Variants in RNF130 observed in about 807,000 individuals in gnomAD.
The protein encoded by RNF130 is ring finger protein 130, also known as E3 ubiquitin-protein ligase RNF130.
A neutral mutation model predicts 44.6 loss-of-function variants in RNF130; 21 were observed. That is an observed-to-expected ratio of 0.47 (90% CI 0.33 to 0.68). RNF130 has a LOEUF of 0.68. Ranked by LOEUF, RNF130 falls within the 30% of genes least tolerant of loss-of-function variation. RNF130 has a pLI of 0.02. For synonymous variants in RNF130, 214 were observed against 210.4 expected (o/e 1.02, Z -0.15); for missense variants, 479 against 560.6 (o/e 0.85, Z 1.47).
At chr5:180,005,303 C>T (rs1763439474) in intron 3 of RNF130, among the ~76,000 whole-genome samples, 1 of 152,146 alleles carries the variant, frequency 6.6e-6, no homozygotes, top group Admixed American at 6.5e-5. Flanking sequence ...TGGTGGGCAC[C>T]TGTAATTCCA....
intron 7 of RNF130, among the ~76,000 whole-genome samples, chr5:179,921,977 C>T (rs1761636972): frequency 1.3e-5 from 2 of 151,660 alleles, no homozygotes; most frequent in Non-Finnish European, 2.9e-5. Flanking sequence ...GCGGAGATTG[C>T]ACCACCGCAC....
At chr5:179,932,620 C>T (rs1290483353) in intron 7 of RNF130, among the ~76,000 whole-genome samples, 1 of 151,714 alleles carries the variant, frequency 6.6e-6, no homozygotes, top group East Asian at 2.0e-4. Flanking sequence ...GATGGATCAC[C>T]TGAGGTCAGG....
chr5:179,974,589 G>A (rs958023518), intron 5 of RNF130, among the ~76,000 whole-genome samples: 14 of 152,332 alleles, frequency 9.2e-5, no homozygotes, highest in South Asian at 6.2e-4. Context: ...CTTGTGAATC[G>A]TTAAGGAAAG....
intron 2 of RNF130, among the ~76,000 whole-genome samples, chr5:180,026,553 A>G (rs539774808): frequency 6.6e-6 from 1 of 152,350 alleles, no homozygotes; most frequent in Admixed American, 6.5e-5. Context: ...CGTCATGGAC[A>G]GGGCACTGGA....
intron 2 of RNF130, among the ~76,000 whole-genome samples, chr5:180,032,215 AT>A (rs777414950): frequency 6.6e-5 from 10 of 152,024 alleles, no homozygotes; most frequent in Non-Finnish European, 1.0e-4. Context: ...ATAAAATCTA[AT>A]TTTTTTTATA....
At position 179,966,896 on chromosome 5, in the gene RNF130, G is replaced by C. The variant is rs773564198; in HGVS notation, c.1060C>G (p.Leu354Val). 2.2e-4 allele frequency: 352 copies of C among 1,614,118 alleles called. No homozygotes were observed. The highest frequency in any genetic ancestry group is 2.7e-4 in the Non-Finnish European group (323 of 1,180,052). Residue 354 changes from leucine (L) to valine (V), a missense_variant, in exon 7 of 9, where the codon CTT (leucine) becomes GTT (valine). Around this residue, in one of 3 missense-constraint regions of RNF130, gnomAD observed 161 missense variants for 158.6 expected, o/e 1.02. Coordinates refer to ENST00000521389, the MANE Select transcript of RNF130 (RefSeq NM_018434.6). Reference sequence around the variant, plus strand: ...ATCCCCGAAGTTCGAAGTGGCTCAAGGCCAAGGGAGTTGTCGCCGGCGAGG... The same window carrying C: ...ATCCCCGAAGTTCGAAGTGGCTCAACGCCAAGGGAGTTGTCGCCGGCGAGG... ...GDLAGDNSLG[L>V]EPLRTSGISP...
chr5:179,966,152 C>T (rs776520547), intron 7 of RNF130, among the ~76,000 whole-genome samples: 5 of 152,266 alleles, frequency 3.3e-5, no homozygotes, highest in Admixed American at 6.5e-5. Flanking sequence ...CCTGAGGCAC[C>T]GCCATCAATA....
chr5:179,984,477 G>C (rs12153395), intron 3 of RNF130, among the ~76,000 whole-genome samples: 1 of 151,966 alleles, frequency 6.6e-6, no homozygotes, highest in African/African-American at 2.4e-5. Flanking sequence ...GTTGGACTTC[G>C]GCAAATATCT....
At chr5:180,041,699 C>A (rs1185462317) in intron 1 of RNF130, among the ~76,000 whole-genome samples, 1 of 152,170 alleles carries the variant, frequency 6.6e-6, no homozygotes, top group Non-Finnish European at 1.5e-5. Context: ...GTCAGCCCTG[C>A]CGGTCCTCTG....
intron 8 of RNF130, 76 bp from the exon 9 acceptor site, chr5:179,955,745 A>C (rs1762198504): frequency 8.1e-7 from 1 of 1,232,336 alleles, no homozygotes; most frequent in Admixed American, 2.2e-5. Flanking sequence ...AAGTGACCCT[A>C]ACTGAAGGGT....
At chr5:179,987,516 T>A (rs1443709473) in intron 3 of RNF130, among the ~76,000 whole-genome samples, 1 of 152,210 alleles carries the variant, frequency 6.6e-6, no homozygotes, top group East Asian at 1.9e-4. Context: ...CTTCCAGCAC[T>A]ATGTGGAACA....
intron 3 of RNF130, among the ~76,000 whole-genome samples, chr5:179,983,656 T>C (rs1026766823): frequency 1.3e-5 from 2 of 152,202 alleles, no homozygotes; most frequent in African/African-American, 4.8e-5. Flanking sequence ...TAGGATCAGT[T>C]TGTCCATCTC....
intron 3 of RNF130, among the ~76,000 whole-genome samples, chr5:179,997,047 A>G (rs996787344): frequency 2.0e-5 from 3 of 152,126 alleles, no homozygotes; most frequent in African/African-American, 4.8e-5. Flanking sequence ...CTATGTTGGT[A>G]TATGTGTCTG....
downstream of RNF130, among the ~76,000 whole-genome samples, chr5:179,952,962 A>G (rs1178102963): frequency 6.6e-6 from 1 of 152,194 alleles, no homozygotes; most frequent in African/African-American, 2.4e-5. Context: ...CACCATTTCT[A>G]TTCAACAATC....
chr5:179,920,796 T>TATATA (rs200144083), intron 7 of RNF130, among the ~76,000 whole-genome samples: 2 of 108,732 alleles, frequency 1.8e-5, no homozygotes, highest in African/African-American at 1.1e-4. Flanking sequence ...TATATATATA[T>TATATA]TTTTTTTTTT....
At chr5:180,069,797 AG>A (rs1418374923) in intron 1 of RNF130, among the ~76,000 whole-genome samples, 5 of 152,186 alleles carry the variant, frequency 3.3e-5, no homozygotes, top group Non-Finnish European at 7.3e-5. Flanking sequence ...CCCCACTGAG[AG>A]GGGAACAGGA....
At chr5:179,937,931 TGTGA>T (rs758657664) in intron 7 of RNF130, among the ~76,000 whole-genome samples, 68 of 131,086 alleles carry the variant, frequency 5.2e-4, no homozygotes, top group Middle Eastern at 3.9e-3. Flanking sequence ...TGTGTGTGTG[TGTGA>T]GAGAGAGAGA....
chr5:179,920,883 A>G (rs1200409140), intron 7 of RNF130, among the ~76,000 whole-genome samples: 1 of 151,080 alleles, frequency 6.6e-6, no homozygotes, highest in Admixed American at 6.6e-5. Context: ...TAATATGCCT[A>G]TGTTGATCCT....
intron 8 of RNF130, among the ~76,000 whole-genome samples, chr5:179,958,973 G>A (rs996698430): frequency 1.3e-5 from 2 of 152,098 alleles, no homozygotes; most frequent in African/African-American, 2.4e-5. Context: ...TAGCTACCAC[G>A]CCAGGCCACA....
Sources: gnomAD v4.1 joint callset for allele counts (sites outside exome capture counted in the v4.1 genomes callset) on GRCh38, gnomAD v4.1.1 for gene constraint, gnomAD v4.1.1 regional missense constraint, MANE v1.5 for transcripts, NCBI Gene and HGNC (gene_info 2026-07-23, HGNC 2026-07-21) for gene names.